The following FCRL2 variants were observed in gnomAD, a reference collection of about 807,000 sequenced individuals.
FCRL2 encodes Fc receptor-like protein 2.
FCRL2 carries 48 observed loss-of-function variants against 59.8 expected under a neutral mutation model. That is an observed-to-expected ratio of 0.80 (90% confidence interval 0.64 to 1.02). The LOEUF (loss-of-function observed/expected upper bound fraction) is 1.02, where lower values mean the gene tolerates loss of function less well. FCRL2 is among the 50% of genes least tolerant of loss of function. The pLI is 0.00. For synonymous variants in FCRL2, 251 were observed against 229.5 expected (o/e 1.09, Z -0.85); for missense variants, 658 against 597.3 (o/e 1.10, Z -1.06).
chr1:157,769,415 A>T (rs1355894387), intron 4 of FCRL2: 2 of 160,828 alleles, frequency 1.2e-5, no homozygotes, highest in African/African-American at 4.8e-5. Context: ...AGCAATCTGG[A>T]GGGGTTTTTG....
In FCRL2 at chr1:157,767,388, A is replaced by T. The variant is rs1241215882; in HGVS notation, c.1005T>A (p.Tyr335Ter). ...TGTTCCCAAGGGTGACATCCTCATG[A>T]TAAAATTGGTACAAGATTGGGGGAG... Reference protein sequence around the residue: ...RGSPPILYQFYHEDVTLGNSS... With the variant: ...RGSPPILYQF Residue 335 changes from tyrosine (Y) to a stop codon, truncating the protein, a stop_gained, in exon 6 of 12, where the codon TAT becomes TAA. Coordinates refer to ENST00000361516, the MANE Select transcript of FCRL2 (RefSeq NM_030764.4). LOFTEE classifies it high-confidence loss of function. 1 of 1,614,100 alleles carries T rather than the reference A, an allele frequency of 6.2e-7. No homozygotes were observed. The highest frequency in any genetic ancestry group is 8.5e-7 in the Non-Finnish European group (1 of 1,180,042).
chr1:157,763,606 C>T lies in FCRL2; in HGVS notation c.1279+3249G>A, dbSNP rs570165802. Among the ~76,000 whole-genome samples the T allele has an allele frequency of 5.9e-5, 9 of 152,248 alleles. No individual in the cohort carries two copies. In the East Asian group the frequency reaches 1.7e-3, roughly 29 times the overall value. ...AAAAATGTTGCCCAACTCTGTGTTACCTGTAAGAAACGTACTTTACCTGTA... is the reference window on the plus strand; with the variant it reads ...AAAAATGTTGCCCAACTCTGTGTTATCTGTAAGAAACGTACTTTACCTGTA... On this transcript the variant is annotated intron_variant, in intron 7 of 11. Transcript: ENST00000361516.
intron 7 of FCRL2, among the ~76,000 whole-genome samples, chr1:157,751,392 A>G (rs1348556713): frequency 1.3e-5 from 2 of 152,218 alleles, no homozygotes; most frequent in African/African-American, 2.4e-5. Flanking sequence ...TCTAAAGTAA[A>G]TGCTCTAAGA....
intron 7 of FCRL2, among the ~76,000 whole-genome samples, chr1:157,760,728 AAAGAAAGAAAGAAAG>A (rs1649005184): frequency 6.7e-6 from 1 of 149,618 alleles, no homozygotes; most frequent in African/African-American, 2.5e-5. Context: ...AGAAAGAAAG[AAAGAAAGAAAGAAAG>A]AAAGAAAGAA....
chr1:157,774,744 C>A (rs1571302109), intron 2 of FCRL2, among the ~76,000 whole-genome samples: 3 of 152,278 alleles, frequency 2.0e-5, no homozygotes, highest in African/African-American at 7.2e-5. Flanking sequence ...ATGCAAGAGA[C>A]CAGACTTGCT....
intron 4 of FCRL2, 158 bp from the exon 5 acceptor site, chr1:157,768,859 T>A: frequency 1.4e-6 from 1 of 733,812 alleles, no homozygotes; most frequent in Non-Finnish European, 2.2e-6. Flanking sequence ...ATAACAATTA[T>A]CCTTCAGGAA....
At chr1:157,758,638 T>C (rs893795787) in intron 7 of FCRL2, among the ~76,000 whole-genome samples, 55 of 144,418 alleles carry the variant, frequency 3.8e-4, no homozygotes, top group Middle Eastern at 3.6e-3. Flanking sequence ...TAAAATTCAT[T>C]TGGAACCAAA....
intron 11 of FCRL2, 44 bp from the exon 12 acceptor site, chr1:157,746,818 A>T (rs1647783052): frequency 6.2e-7 from 1 of 1,613,966 alleles, no homozygotes; most frequent in Non-Finnish European, 8.5e-7. Flanking sequence ...GATCAAGAAA[A>T]TAAATAGGGA....
chr1:157,775,712 C>T (rs1203603317), intron 2 of FCRL2, 63 bp downstream of exon 2: 1 of 1,582,734 alleles, frequency 6.3e-7, no homozygotes, highest in East Asian at 2.2e-5. Context: ...TCTATAGAAT[C>T]CTGGGGTAGT....
chr1:157,763,894 G>A (rs1649295097), intron 7 of FCRL2, among the ~76,000 whole-genome samples: 1 of 152,102 alleles, frequency 6.6e-6, no homozygotes, highest in South Asian at 2.1e-4. Flanking sequence ...GCCAGGCAGG[G>A]TAGCAGGCAC....
chr1:157,764,170 C>T (rs1379519301), intron 7 of FCRL2, among the ~76,000 whole-genome samples: 1 of 151,848 alleles, frequency 6.6e-6, no homozygotes, highest in African/African-American at 2.4e-5. Context: ...CGCCACCGCA[C>T]TCCAGCCTGG....
intron 2 of FCRL2, 114 bp from the exon 3 acceptor site, chr1:157,770,780 G>A (rs1331710193): frequency 3.5e-6 from 4 of 1,146,812 alleles, no homozygotes; most frequent in Admixed American, 5.3e-5. Context: ...CAAGATGGAA[G>A]TTCCAATCCA....
chr1:157,760,707 G>GAAATAAAGAAAGAAAGAAAGAAAGAAAT (rs763431250), intron 7 of FCRL2, among the ~76,000 whole-genome samples: 49 of 105,026 alleles, frequency 4.7e-4, no homozygotes, highest in African/African-American at 1.9e-3. Context: ...AGGAAAGAAA[G>GAAATAAAGAAAGAAAGAAAGAAAGAAAT]AAAGAAAGAA....
chr1:157,758,157 T>G (rs1361761084), intron 7 of FCRL2, among the ~76,000 whole-genome samples: 2 of 152,162 alleles, frequency 1.3e-5, no homozygotes, highest in Non-Finnish European at 2.9e-5. Context: ...TTTCTCGTTT[T>G]GTAAGTGAGG....
At position 157,748,533 on chromosome 1, in the gene FCRL2, A is replaced by C; in HGVS notation, c.1459+20T>G. ...TCCTGTGAATATGCATCTGACAAGA[A>C]CTACTTTGCAGTTTCTCACCTGAGC... On this transcript the variant is annotated intron_variant, in intron 10 of 11. Coordinates refer to ENST00000361516, the MANE Select transcript of FCRL2 (RefSeq NM_030764.4). The C allele has an allele frequency of 6.2e-7, 1 of 1,603,912 alleles. No individual in the cohort carries two copies. Among genetic ancestry groups the C allele is most frequent in the Non-Finnish European group, 8.5e-7 (1 of 1,171,288 alleles).
chr1:157,754,462 G>A (rs903550427), intron 7 of FCRL2, among the ~76,000 whole-genome samples: 2 of 152,066 alleles, frequency 1.3e-5, no homozygotes, highest in Non-Finnish European at 2.9e-5. Flanking sequence ...GGGCAACAAG[G>A]AACCCTTGGG....
At chr1:157,774,108 A>G (rs1181604466) in intron 2 of FCRL2, among the ~76,000 whole-genome samples, 1 of 152,270 alleles carries the variant, frequency 6.6e-6, no homozygotes, top group Non-Finnish European at 1.5e-5. Context: ...AACTAAAAGC[A>G]AATGGTATTC....
At chr1:157,754,466 C>G (rs975580945) in intron 7 of FCRL2, among the ~76,000 whole-genome samples, 1 of 152,052 alleles carries the variant, frequency 6.6e-6, no homozygotes, top group Non-Finnish European at 1.5e-5. Context: ...AACAAGGAAC[C>G]CTTGGGGCTA....
At chr1:157,747,547 GCAGA>G (rs1647844548) in intron 10 of FCRL2, among the ~76,000 whole-genome samples, 1 of 152,158 alleles carries the variant, frequency 6.6e-6, no homozygotes, top group Non-Finnish European at 1.5e-5. Context: ...TCTAAGCAAG[GCAGA>G]CAGAGGACCC....
Sources: gnomAD v4.1 joint callset for allele counts (sites outside exome capture counted in the v4.1 genomes callset) on GRCh38, gnomAD v4.1.1 for gene constraint, MANE v1.5 for transcripts, NCBI Gene and HGNC (gene_info 2026-07-23, HGNC 2026-07-21) for gene names.